Variants in EML1 observed in about 807,000 individuals in gnomAD.
The protein encoded by EML1 is echinoderm microtubule-associated protein-like 1.
Under a neutral mutation model 110.4 loss-of-function variants are expected in EML1, and 27 were observed. The ratio of observed to expected loss-of-function variants is 0.24; its 90% CI spans 0.18 to 0.34. The LOEUF (loss-of-function observed/expected upper bound fraction) is 0.34, where lower values mean the gene tolerates loss of function less well. Among genes scored for constraint, EML1 ranks in the 10% least tolerant of loss-of-function variants. EML1 has a pLI of 1.00. For missense variants in EML1, 741 were observed against 1,030.9 expected, an observed-to-expected ratio of 0.72 and a Z score of 3.85; for synonymous variants, 344 against 385.8, an observed-to-expected ratio of 0.89 and a Z score of 1.27.
intron 2 of EML1, among the ~76,000 whole-genome samples, chr14:99,855,459 G>A (rs912093661): frequency 6.6e-6 from 1 of 152,208 alleles, no homozygotes; most frequent in African/African-American, 2.4e-5. Context: ...AAGACAGGGA[G>A]TAGTTTGGAG....
At chr14:99,893,137 A>T (rs77281504) in intron 5 of EML1, among the ~76,000 whole-genome samples, 36,835 of 152,086 alleles carry the variant, frequency 0.24, 5,406 homozygotes, top group Non-Finnish European at 0.33. Flanking sequence ...CCCAGAGGAG[A>T]ATCCCTGTGG....
chr14:99,854,465 A>G (rs1418600396), intron 2 of EML1, among the ~76,000 whole-genome samples: 1 of 152,126 alleles, frequency 6.6e-6, no homozygotes. Flanking sequence ...GCCTGTGGAT[A>G]GGTATTCTGT....
intron 3 of EML1, among the ~76,000 whole-genome samples, chr14:99,874,000 A>G (rs1017416355): frequency 3.3e-5 from 5 of 152,246 alleles, no homozygotes; most frequent in African/African-American, 1.2e-4. Context: ...CTGGTCACAC[A>G]TAAGAGCTGT....
At chr14:99,777,118 T>C (rs1048570365) in intron 1 of EML1, among the ~76,000 whole-genome samples, 2 of 152,182 alleles carry the variant, frequency 1.3e-5, no homozygotes, top group African/African-American at 4.8e-5. Flanking sequence ...TCACAGCAAA[T>C]GTTTGTAGAC....
intron 1 of EML1, among the ~76,000 whole-genome samples, chr14:99,848,960 CAA>C (rs35648071): frequency 0.022 from 2,939 of 135,156 alleles, 40 homozygotes; most frequent in Non-Finnish European, 0.03. Context: ...AAGACCCTGT[CAA>C]AAAAAAAAAA....
intron 1 of EML1, among the ~76,000 whole-genome samples, chr14:99,844,185 A>C (rs1285439821): frequency 6.6e-6 from 1 of 152,202 alleles, no homozygotes; most frequent in Admixed American, 6.5e-5. Context: ...ATAACTTGTA[A>C]ATTTGCAAAA....
intron 1 of EML1, among the ~76,000 whole-genome samples, chr14:99,813,076 C>T (rs542094205): frequency 6.6e-6 from 1 of 152,194 alleles, no homozygotes; most frequent in South Asian, 2.1e-4. Context: ...GCCCAGGAAC[C>T]GTAGTTAGCC....
Position 99,856,475 on chromosome 14 carries a change from T to G in EML1, c.250+5440T>G, listed in dbSNP as rs2058903853. ...AAATTTTTAAGCTCTTGGCAGTCAA[T>G]GACATTAATGAATAATTAACTTAGT... On this transcript the variant is annotated intron_variant, in intron 2 of 21. Coordinates refer to ENST00000262233, the MANE Select transcript of EML1 (RefSeq NM_004434.3). Among the ~76,000 whole-genome samples the G allele has an allele frequency of 2.6e-5, 4 of 152,222 alleles. No individual in the cohort carries two copies. The South Asian group carries it at 8.3e-4, about 32-fold the overall frequency.
intron 1 of EML1, among the ~76,000 whole-genome samples, chr14:99,805,061 C>T (rs528330288): frequency 2.0e-5 from 3 of 152,282 alleles, no homozygotes; most frequent in African/African-American, 4.8e-5. Context: ...TTCACGGAGC[C>T]GCTCCCTTGT....
intron 4 of EML1, among the ~76,000 whole-genome samples, chr14:99,883,715 G>T (rs1274724538): frequency 6.6e-6 from 1 of 152,146 alleles, no homozygotes; most frequent in African/African-American, 2.4e-5. Flanking sequence ...CATATTTTGT[G>T]ATCCCTTCTT....
intron 3 of EML1, among the ~76,000 whole-genome samples, chr14:99,876,442 C>A (rs991345173): frequency 6.6e-6 from 1 of 152,150 alleles, no homozygotes; most frequent in Non-Finnish European, 1.5e-5. Flanking sequence ...TTTACCTAAT[C>A]CTGCGCTAGC....
intron 2 of EML1, among the ~76,000 whole-genome samples, chr14:99,852,484 A>G (rs2139837035): frequency 6.6e-6 from 1 of 152,286 alleles, no homozygotes; most frequent in East Asian, 1.9e-4. Context: ...ATGTGGTAGC[A>G]AGTGCCCGTG....
At chr14:99,875,733 C>G (rs1188682641) in intron 3 of EML1, among the ~76,000 whole-genome samples, 1 of 152,162 alleles carries the variant, frequency 6.6e-6, no homozygotes, top group Non-Finnish European at 1.5e-5. Context: ...CCTGCTAAGT[C>G]AAATTAGCTT....
chr14:99,880,289 AG>A (rs1430320401), intron 4 of EML1, among the ~76,000 whole-genome samples: 1 of 152,194 alleles, frequency 6.6e-6, no homozygotes, highest in Non-Finnish European at 1.5e-5. Flanking sequence ...TGGTCTTGAC[AG>A]GGACCCATAG....
At chr14:99,810,773 T>C (rs1293323511) in intron 1 of EML1, among the ~76,000 whole-genome samples, 1 of 152,206 alleles carries the variant, frequency 6.6e-6, no homozygotes, top group Non-Finnish European at 1.5e-5. Flanking sequence ...CTGGTGACTA[T>C]AGTTAATAAT....
Position 99,880,216 on chromosome 14 carries a change from G to A in EML1, c.518+1597G>A, listed in dbSNP as rs117084107. On this transcript the variant is annotated intron_variant, in intron 4 of 21. Transcript: ENST00000262233. ...GCGAGCATAGCACAGAGCTGGCTGA[G>A]TTTCATGCATCATGCACTGAAGGGG... 4.4e-3 allele frequency among the ~76,000 whole-genome samples: 677 copies of A among 152,266 alleles called. 3 individuals are homozygous for A. The highest frequency in any genetic ancestry group is 0.014 in the Middle Eastern group (4 of 294).
intron 4 of EML1, chr14:99,885,891 G>C (rs912327232): frequency 4.4e-6 from 2 of 455,740 alleles, no homozygotes; most frequent in African/African-American, 4.0e-5. Flanking sequence ...GGTTAAGCTG[G>C]TGGAGGTGAA....
Position 99,939,369 on chromosome 14 carries a change from C to A in EML1, c.2322+42C>A. 1 of 1,610,502 alleles carries A rather than the reference C, an allele frequency of 6.2e-7. No homozygotes were observed. Among genetic ancestry groups the A allele is most frequent in the Non-Finnish European group, 8.5e-7 (1 of 1,177,782 alleles). ...TTCACTAATCTTATCCCCCATGGGGCATGCACGTACACCCGACCTGTTTGG... is the reference window on the plus strand; with the variant it reads ...TTCACTAATCTTATCCCCCATGGGGAATGCACGTACACCCGACCTGTTTGG... On this transcript the variant is annotated intron_variant, in intron 21 of 21. Transcript: ENST00000262233. This position sits in a 1 kb window ranked among gnomAD's most constrained non-coding sequence, Gnocchi z 4.2.
chr14:99,867,646 C>T (rs1433962962), intron 3 of EML1, among the ~76,000 whole-genome samples: 5 of 148,250 alleles, frequency 3.4e-5, no homozygotes, highest in South Asian at 4.2e-4. Context: ...TATAGAAATG[C>T]ATCTGATTTT....
Sources: allele counts gnomAD v4.1 joint callset (sites outside exome capture counted in the v4.1 genomes callset), GRCh38; gene constraint gnomAD v4.1.1; non-coding constraint Gnocchi (gnomAD v3.1); transcripts MANE v1.5; gene names NCBI Gene and HGNC (gene_info 2026-07-23, HGNC 2026-07-21).